GSN: variants seen among roughly 807,000 people sequenced by gnomAD.
GSN encodes gelsolin.
In GSN, 56 loss-of-function variants were observed where a neutral mutation model predicts 85.7. The ratio of observed to expected loss-of-function variants is 0.65; its 90% confidence interval spans 0.53 to 0.82. GSN has a LOEUF of 0.82. Among genes scored for constraint, GSN ranks in the 40% least tolerant of loss-of-function variants. The pLI, the probability that GSN is intolerant of heterozygous loss-of-function variation, is 0.00. For missense variants in GSN, 857 were observed against 979.8 expected (o/e 0.87, Z 1.67); for synonymous variants, 373 against 399.1 (o/e 0.93, Z 0.78).
At chr9:121,312,518 A>T in intron 6 of GSN, 30 bp downstream of exon 6, 1 of 1,486,310 alleles carries the variant, frequency 6.7e-7, no homozygotes, top group East Asian at 2.7e-5. Flanking sequence ...TGGGGTGGCC[A>T]TGGGGACACG....
chr9:121,250,494 C>T (rs7869641), intron 6 of GSN, among the ~76,000 whole-genome samples: 4,165 of 151,624 alleles, frequency 0.027, 208 homozygotes, highest in African/African-American at 0.095. Flanking sequence ...TGAGCCACGG[C>T]GCCCAGCCGA....
chr9:121,275,461 T>G (rs2056553060), intron 1 of GSN, among the ~76,000 whole-genome samples: 1 of 152,186 alleles, frequency 6.6e-6, no homozygotes. Flanking sequence ...TAGGGACAGA[T>G]CCTTCCCATT....
chr9:121,286,255 G>GA (rs1293372564), intron 2 of GSN: 2 of 1,035,788 alleles, frequency 1.9e-6, no homozygotes, highest in Non-Finnish European at 1.4e-6. Flanking sequence ...AGACCCGAGG[G>GA]AAAGTCCCGC....
intron 4 of GSN, among the ~76,000 whole-genome samples, chr9:121,221,779 G>C (rs1564339000): frequency 6.6e-6 from 1 of 152,200 alleles, no homozygotes; most frequent in Non-Finnish European, 1.5e-5. Context: ...CATAGTCAAA[G>C]AGGCTGAGCT....
At chr9:121,229,341 C>T (rs890724648) in intron 4 of GSN, among the ~76,000 whole-genome samples, 2 of 152,218 alleles carry the variant, frequency 1.3e-5, no homozygotes, top group African/African-American at 4.8e-5. Flanking sequence ...CTGCCTCAGC[C>T]TCCTGAGCAG....
Position 121,317,179 on chromosome 9 carries a change from C to T in GSN, c.847C>T (p.Leu283=). The change falls in exon 8 of 18, where the codon CTG becomes TTG. Residue 283 remains leucine (L), a synonymous_variant. Coordinates refer to ENST00000432226, the MANE Select transcript of GSN (RefSeq NM_198252.3). ...GALKSEDCFI[L]DHGKDGKIFV... ...CCTGAAGTCAGAGGACTGCTTCATC[C>T]TGGACCACGGCAAAGATGGGAAAAT... is the stretch of plus-strand genomic sequence containing the variant. 1 of 1,614,204 alleles carries T rather than the reference C, an allele frequency of 6.2e-7. No homozygotes were observed. Among genetic ancestry groups the T allele is most frequent in the Non-Finnish European group, 8.5e-7 (1 of 1,180,026 alleles).
chr9:121,202,070 GGA>G, the GSN span, among the ~76,000 whole-genome samples: 1 of 152,178 alleles, frequency 6.6e-6, no homozygotes, highest in African/African-American at 2.4e-5. Flanking sequence ...GCTCGCGCCC[GGA>G]GGGAAGGTGG....
At chr9:121,247,318 G>C (rs1564355629) in intron 5 of GSN, among the ~76,000 whole-genome samples, 3 of 152,126 alleles carry the variant, frequency 2.0e-5, no homozygotes, top group African/African-American at 4.8e-5. Context: ...CCACGCAAGG[G>C]AGCCCCCGCC....
At chr9:121,317,662 C>G (rs2061874985) in intron 8 of GSN, 2 of 277,868 alleles carry the variant, frequency 7.2e-6, no homozygotes, top group Non-Finnish European at 1.4e-5. Context: ...GCTAGAAGTT[C>G]ATAAACTCTT....
chr9:121,284,131 G>A (rs1320234050), intron 2 of GSN: 1 of 167,170 alleles, frequency 6.0e-6, no homozygotes, highest in Non-Finnish European at 1.5e-5. Context: ...GGGCCCTTGA[G>A]TTTGGATTTT....
chr9:121,317,526 A>G (rs2061861089), intron 8 of GSN: 1 of 385,752 alleles, frequency 2.6e-6, no homozygotes, highest in South Asian at 2.4e-5. Flanking sequence ...ATCTAACTGT[A>G]TGGTCAGATA....
intron 5 of GSN, among the ~76,000 whole-genome samples, chr9:121,247,936 C>A (rs1465247926): frequency 1.4e-5 from 2 of 147,706 alleles, no homozygotes; most frequent in Non-Finnish European, 3.0e-5. Flanking sequence ...TGAAGGCCAT[C>A]CATGAAGAGG....
At chr9:121,274,627 C>T (rs567152635) in intron 1 of GSN, among the ~76,000 whole-genome samples, 1 of 152,286 alleles carries the variant, frequency 6.6e-6, no homozygotes, top group Non-Finnish European at 1.5e-5. Context: ...AGAGTTTGGG[C>T]TCAACTCCTA....
intron 6 of GSN, among the ~76,000 whole-genome samples, chr9:121,254,851 C>T (rs1357155674): frequency 6.6e-6 from 1 of 152,170 alleles, no homozygotes; most frequent in East Asian, 1.9e-4. Context: ...TAGTATTCTC[C>T]CCAGGGGTGA....
At chr9:121,278,143 G>A (rs1199155590) in intron 1 of GSN, among the ~76,000 whole-genome samples, 1 of 151,940 alleles carries the variant, frequency 6.6e-6, no homozygotes, top group Non-Finnish European at 1.5e-5. Context: ...CTGCGTTGGT[G>A]GGAACTGCCC....
chr9:121,240,452 G>T (rs1013376542), intron 5 of GSN, among the ~76,000 whole-genome samples: 1 of 152,198 alleles, frequency 6.6e-6, no homozygotes, highest in African/African-American at 2.4e-5. Context: ...ATATTGGGTG[G>T]CTCCTGGAAC....
intron 1 of GSN, among the ~76,000 whole-genome samples, chr9:121,271,462 T>A (rs1049752687): frequency 6.6e-6 from 1 of 152,218 alleles, no homozygotes; most frequent in African/African-American, 2.4e-5. Context: ...GATACTAGTA[T>A]CTTCTTTTAC....
rs2055093205 is a variant in GSN at position 121,261,865 on chromosome 9, TATC to T, written c.-340-3284_-340-3282del. Among the ~76,000 whole-genome samples the T allele has an allele frequency of 6.6e-6, 1 of 152,198 alleles. No individual in the cohort carries two copies. The highest frequency in any genetic ancestry group is 6.5e-5 in the Admixed American group (1 of 15,284). On this transcript the variant is annotated intron_variant, in intron 6 of 24. Coordinates refer to the GSN transcript ENST00000373823. This position sits in a 1 kb window ranked among gnomAD's most constrained non-coding sequence, Gnocchi z 4.1. ...TCCCCATAATTCTTTGAGTGGATAT[TATC>T]ATCAGAGGAAGAAACCAAGGCTCAG...
chr9:121,317,707 A>G (rs1019607182), intron 8 of GSN: 20 of 241,720 alleles, frequency 8.3e-5, no homozygotes, highest in Non-Finnish European at 1.6e-4. Flanking sequence ...CTTGGAAACC[A>G]TTGGCCCAGA....
Sources: allele counts gnomAD v4.1 joint callset (sites outside exome capture counted in the v4.1 genomes callset), GRCh38; gene constraint gnomAD v4.1.1; non-coding constraint Gnocchi (gnomAD v3.1); transcripts MANE v1.5; gene names NCBI Gene and HGNC (gene_info 2026-07-23, HGNC 2026-07-21).